Variants in LMBRD2 observed in about 807,000 individuals in gnomAD.
The protein encoded by LMBRD2 is LMBR1 domain containing 2.
Under a neutral mutation model 94.4 loss-of-function variants are expected in LMBRD2, and 55 were observed. That is an observed-to-expected ratio of 0.58 (90% CI 0.47 to 0.73). The LOEUF is 0.73. LMBRD2 is among the 30% of genes least tolerant of loss of function. The pLI is 0.00. For missense variants in LMBRD2, 640 were observed against 831.9 expected (o/e 0.77, Z 2.84); for synonymous variants, 246 against 272.4 (o/e 0.90, Z 0.95).
At chr5:36,110,957 C>T (rs778892961) in intron 14 of LMBRD2, among the ~76,000 whole-genome samples, 198 bp downstream of exon 14, 1 of 151,886 alleles carries the variant, frequency 6.6e-6, no homozygotes, top group Non-Finnish European at 1.5e-5. Flanking sequence ...TCTTAAAGAC[C>T]GATAAAACAA....
chr5:36,127,082 T>C (rs1024378149), intron 6 of LMBRD2, among the ~76,000 whole-genome samples: 1 of 152,238 alleles, frequency 6.6e-6, no homozygotes, highest in African/African-American at 2.4e-5. Context: ...ACATTTACCA[T>C]AAACTGTAAG....
intron 1 of LMBRD2, among the ~76,000 whole-genome samples, chr5:36,149,960 AC>A (rs1310745834): frequency 6.6e-6 from 1 of 152,238 alleles, no homozygotes; most frequent in Non-Finnish European, 1.5e-5. Context: ...AGTAGCAATC[AC>A]AATGCAGTTC....
In LMBRD2 at chr5:36,101,923, A is replaced by T. The variant is rs534578532; in HGVS notation, c.*2123T>A. The T allele has an allele frequency of 1.2e-4, 19 of 152,072 alleles. No homozygotes were observed. Among genetic ancestry groups the T allele is most frequent in the African/African-American group, 3.8e-4 (16 of 41,566 alleles). The allele number at this position is 152,072 out of a possible 1,614,324, so 9.4% of individuals were successfully genotyped here. A position where few individuals can be genotyped will look rare whatever the true frequency, so the allele number is the denominator to read the frequency against. ...TCTTAGGGCATTATAAAAGTTAGTTATAAAAGTAATTGGCTAATTTCTTTT... is the reference window on the plus strand; with the variant it reads ...TCTTAGGGCATTATAAAAGTTAGTTTTAAAAGTAATTGGCTAATTTCTTTT... On this transcript the variant is annotated 3_prime_UTR_variant, in exon 18 of 18. Transcript: ENST00000296603.
chr5:36,136,256 A>T (rs1744267154), intron 6 of LMBRD2, 53 bp downstream of exon 6: 5 of 1,535,842 alleles, frequency 3.3e-6, no homozygotes, highest in Non-Finnish European at 4.5e-6. Flanking sequence ...AATGACTAAA[A>T]GGGGATACAT....
intron 16 of LMBRD2, among the ~76,000 whole-genome samples, chr5:36,105,662 G>C (rs563004245): frequency 6.6e-6 from 1 of 152,186 alleles, no homozygotes; most frequent in Non-Finnish European, 1.5e-5. Flanking sequence ...ATCGGCACTA[G>C]CCGATATTTA....
chr5:36,116,415 C>T (rs1027009438), intron 11 of LMBRD2, 45 bp downstream of exon 11: 1 of 1,568,066 alleles, frequency 6.4e-7, no homozygotes, highest in African/African-American at 1.4e-5. Context: ...TAAGAATACA[C>T]TCAATGATGA....
chr5:36,125,778 G>A (rs182692790), intron 6 of LMBRD2, among the ~76,000 whole-genome samples: 6 of 152,216 alleles, frequency 3.9e-5, no homozygotes, highest in African/African-American at 1.4e-4. Flanking sequence ...AAAATGATGT[G>A]GAAACTGCTG....
chr5:36,124,208 C>T lies in LMBRD2; in HGVS notation c.805G>A (p.Asp269Asn). The T allele has an allele frequency of 6.3e-7, 1 of 1,578,822 alleles. No individual in the cohort carries two copies. Among genetic ancestry groups the T allele is most frequent in the East Asian group, 2.3e-5 (1 of 44,412 alleles). The stretch of plus-strand genomic sequence containing the variant: ...TTCATTACCTTTTTAAGTATTGTAT[C>T]AACACATTTTCTCAATGGGTGATTA... ...KYNHPLRKCV[D>N]TILKKCPTEY... Residue 269 changes from aspartate (D) to asparagine (N), a missense_variant, in exon 7 of 18, where the codon GAT (aspartate) becomes AAT (asparagine). Asp to Asn is a conservative substitution (Grantham distance 23). This residue lies in a region of LMBRD2 where 457 missense variants were observed against 642.8 expected (regional missense o/e 0.71). Transcript: ENST00000296603.
At chr5:36,119,872 T>A (rs1421787497) in intron 9 of LMBRD2, among the ~76,000 whole-genome samples, 1 of 152,192 alleles carries the variant, frequency 6.6e-6, no homozygotes, top group Non-Finnish European at 1.5e-5. Flanking sequence ...TAGTTACATC[T>A]GTGCCTTACC....
rs1270918502 is a variant in LMBRD2, at chr5:36,103,095, A to G, written c.*951T>C. 3.3e-5 allele frequency: 5 copies of G among 152,264 alleles called. No homozygotes were observed. Among genetic ancestry groups the G allele is most frequent in the South Asian group, 2.1e-4 (1 of 4,832 alleles). The allele number at this position is 152,264 out of a possible 1,614,324, so 9.4% of individuals were successfully genotyped here. ...GTTTTCTATAAACCACGATTTAAGT[A>G]TCAGTAATAACAGTAAATGGATTCA... On this transcript the variant is annotated 3_prime_UTR_variant, in exon 18 of 18. Transcript: ENST00000296603.
chr5:36,122,365 A>C lies in LMBRD2; in HGVS notation c.1035T>G (p.Thr345=), dbSNP rs762128568. The change falls in exon 9 of 18, where the codon ACT becomes ACG. Residue 345 remains threonine (T), a synonymous_variant. Coordinates refer to ENST00000296603, the MANE Select transcript of LMBRD2 (RefSeq NM_001007527.2). ...FYLEDVAKNE[T]SATHQFVHTF... is the part of the protein sequence containing the mutation. ...TGTGAACAAACTGATGAGTAGCACTAGTTTCATTTTTTGCTACATCTTCTA... is the reference window on the plus strand; with the variant it reads ...TGTGAACAAACTGATGAGTAGCACTCGTTTCATTTTTTGCTACATCTTCTA... 1 of 1,613,160 alleles carries C rather than the reference A, an allele frequency of 6.2e-7. No individual in the cohort carries two copies. The highest frequency in any genetic ancestry group is 2.2e-5 in the East Asian group (1 of 44,826).
In LMBRD2 at chr5:36,143,301, C is replaced by T. The variant is rs938938053; in HGVS notation, c.49G>A (p.Ala17Thr). 1.2e-6 allele frequency: 2 copies of T among 1,613,104 alleles called. No individual in the cohort carries two copies. The highest frequency in any genetic ancestry group is 2.7e-5 in the African/African-American group (2 of 74,842). ...GLEIVFVFFL[A>T]LFLLHRYGDF... ...CCATATCGATGAAGCAGAAATAATG[C>T]CAGAAAAAAGACAAAAACAATCTCA... is the stretch of plus-strand genomic sequence containing the variant. Residue 17 changes from alanine to threonine, a missense_variant, in exon 2 of 18, where the codon GCA (alanine) becomes ACA (threonine). Coordinates refer to ENST00000296603, the MANE Select transcript of LMBRD2 (RefSeq NM_001007527.2).
chr5:36,108,491 T>A (rs1442281879), intron 16 of LMBRD2, 43 bp downstream of exon 16: 1 of 1,047,984 alleles, frequency 9.5e-7, no homozygotes. Flanking sequence ...CAAGAAAGCA[T>A]AAGAAAACAA....
At position 36,107,636 on chromosome 5, in the gene LMBRD2, T is replaced by C. The variant is rs139071304; in HGVS notation, c.1897+898A>G. On this transcript the variant is annotated intron_variant, in intron 16 of 17. Coordinates refer to ENST00000296603, the MANE Select transcript of LMBRD2 (RefSeq NM_001007527.2). ...TCTCTAGTAATGAAATCCTATGACC[T>C]TGTACTTAGTAGGGCCTCAAGTGTC... is the stretch of plus-strand genomic sequence containing the variant. Among the ~76,000 whole-genome samples, 159 of 152,324 alleles carry C rather than the reference T, an allele frequency of 1.0e-3. 2 individuals are homozygous for C. The highest frequency in any genetic ancestry group is 3.6e-3 in the African/African-American group (149 of 41,572).
At chr5:36,107,845 C>A (rs1317348498) in intron 16 of LMBRD2, among the ~76,000 whole-genome samples, 1 of 152,146 alleles carries the variant, frequency 6.6e-6, no homozygotes, top group Non-Finnish European at 1.5e-5. Context: ...TTTTTCTCCT[C>A]CATCCTCAGT....
At chr5:36,112,029 A>T (rs1743620516) in intron 13 of LMBRD2, among the ~76,000 whole-genome samples, 1 of 151,310 alleles carries the variant, frequency 6.6e-6, no homozygotes, top group African/African-American at 2.4e-5. Context: ...GAGAGGGAGG[A>T]AGAGGAGGAG....
chr5:36,149,991 C>T (rs189885304), intron 1 of LMBRD2, among the ~76,000 whole-genome samples: 141 of 152,292 alleles, frequency 9.3e-4, no homozygotes, highest in Admixed American at 2.5e-3. Flanking sequence ...AGATAGCAAC[C>T]TCTATGTACC....
In LMBRD2 at chr5:36,109,960, A is replaced by T. The variant is rs773611612; in HGVS notation, c.1776T>A (p.Gly592=). 1 of 1,606,956 alleles carries T rather than the reference A, an allele frequency of 6.2e-7. No individual in the cohort carries two copies. The change falls in exon 15 of 18, where the codon GGT becomes GGA. Residue 592 remains glycine (G), a synonymous_variant. Transcript: ENST00000296603. ...EKRKRQRQEE[G]ENRRREWKER... Reference sequence around the variant, plus strand: ...CTGTACTTACTCTTCTTCGATTTTCACCTTCTTCTTGCCTTTGCCTTTTTC... The same window carrying T: ...CTGTACTTACTCTTCTTCGATTTTCTCCTTCTTCTTGCCTTTGCCTTTTTC...
intron 5 of LMBRD2, 39 bp downstream of exon 5, chr5:36,137,235 C>A: frequency 7.5e-7 from 1 of 1,335,426 alleles, no homozygotes; most frequent in South Asian, 1.7e-5. Context: ...AAAATGCAAA[C>A]ATACATTAAA....
Sources: allele counts gnomAD v4.1 joint callset (sites outside exome capture counted in the v4.1 genomes callset), GRCh38; gene constraint gnomAD v4.1.1; regional missense constraint gnomAD v4.1.1; transcripts MANE v1.5; gene names NCBI Gene and HGNC (gene_info 2026-07-23, HGNC 2026-07-21).